The following ELAPOR2 variants were observed in gnomAD, a reference collection of about 807,000 sequenced individuals.
ELAPOR2 encodes endosome/lysosome-associated apoptosis and autophagy regulator family member 2.
Under a neutral mutation model 120.7 loss-of-function variants are expected in ELAPOR2, and 89 were observed. The ratio of observed to expected loss-of-function variants is 0.74; its 90% CI spans 0.62 to 0.88. The LOEUF (loss-of-function observed/expected upper bound fraction) is 0.88, where lower values mean the gene tolerates loss of function less well. Among genes scored for constraint, ELAPOR2 ranks in the 40% least tolerant of loss-of-function variants. The pLI is 0.00. For missense variants in ELAPOR2, 1,134 were observed against 1,251.6 expected (o/e 0.91, Z 1.42); for synonymous variants, 444 against 444.9 (o/e 1.00, Z 0.03).
intron 3 of ELAPOR2, among the ~76,000 whole-genome samples, chr7:86,945,448 AT>A (rs1353245696): frequency 2.6e-5 from 4 of 152,220 alleles, no homozygotes; most frequent in Non-Finnish European, 4.4e-5. Context: ...AGATTAACAT[AT>A]AAAGCTATAT....
intron 19 of ELAPOR2, 109 bp from the exon 20 acceptor site, chr7:86,893,209 G>A: frequency 1.2e-6 from 1 of 855,896 alleles, no homozygotes; most frequent in South Asian, 1.9e-5. Context: ...AAGAAGAAAG[G>A]GTTTTGCTAA....
Position 86,926,812 on chromosome 7 carries a change from G to A in ELAPOR2, c.1194C>T (p.Cys398=). ...PSGEKKDCPP[C]NPGFYNNGSS... Reference sequence around the variant, plus strand: ...ATCCATTGTTATAAAATCCAGGGTTGCAAGGCGGACAATCCTTCTTCTCTC... The same window carrying A: ...ATCCATTGTTATAAAATCCAGGGTTACAAGGCGGACAATCCTTCTTCTCTC... The change falls in exon 9 of 22, where the codon TGC becomes TGT. Residue 398 remains cysteine, a synonymous_variant. Coordinates refer to ENST00000450689, the MANE Select transcript of ELAPOR2 (RefSeq NM_001142749.3). 6.2e-7 allele frequency: 1 copy of A among 1,610,860 alleles called. No individual in the cohort carries two copies. Among genetic ancestry groups the A allele is most frequent in the Admixed American group, 1.7e-5 (1 of 59,652 alleles).
At position 86,918,539 on chromosome 7, in the gene ELAPOR2, G is replaced by A. The variant is rs1363757989; in HGVS notation, c.1496C>T (p.Pro499Leu). The A allele has an allele frequency of 3.8e-6, 6 of 1,599,746 alleles. No homozygotes were observed. Among genetic ancestry groups the A allele is most frequent in the Non-Finnish European group, 5.1e-6 (6 of 1,167,414 alleles). Reference protein sequence around the residue: ...LNLHIPGFKPPTSMTGATGSE... With the variant: ...LNLHIPGFKPLTSMTGATGSE... ...ACCCGTGGCTCCAGTCATAGATGTT[G>A]GTGGTCTATTTGACAGATTAAAATG... The change falls in exon 12 of 22, where the codon CCA (proline) becomes CTA (leucine). Residue 499 changes from proline (P) to leucine (L), a missense_variant. Pro to Leu is a moderately conservative substitution (Grantham distance 98). Around this residue, in one of 3 missense-constraint regions of ELAPOR2, gnomAD observed 831 missense variants for 867.6 expected, o/e 0.96. Transcript: ENST00000450689.
intron 1 of ELAPOR2, among the ~76,000 whole-genome samples, chr7:87,021,285 T>A (rs1049561061): frequency 6.6e-6 from 1 of 152,182 alleles, no homozygotes; most frequent in Non-Finnish European, 1.5e-5. Context: ...ACATACATAA[T>A]CTTGCCACCC....
intron 1 of ELAPOR2, among the ~76,000 whole-genome samples, chr7:86,989,266 G>A (rs911715060): frequency 5.3e-5 from 8 of 152,104 alleles, no homozygotes; most frequent in Admixed American, 3.3e-4. Context: ...TCTCTGTTTA[G>A]CTATAATAAA....
At chr7:87,033,505 T>G (rs1321186121) in intron 1 of ELAPOR2, among the ~76,000 whole-genome samples, 1 of 152,166 alleles carries the variant, frequency 6.6e-6, no homozygotes, top group Non-Finnish European at 1.5e-5. Context: ...CATAAAATAG[T>G]TCAGAATACA....
At chr7:87,037,014 A>G (rs1237037836) in intron 1 of ELAPOR2, among the ~76,000 whole-genome samples, 1 of 152,132 alleles carries the variant, frequency 6.6e-6, no homozygotes, top group Non-Finnish European at 1.5e-5. Context: ...TCTCCTTCCC[A>G]TCAACCTCCA....
intron 1 of ELAPOR2, among the ~76,000 whole-genome samples, chr7:86,976,601 A>G (rs1415129978): frequency 1.3e-5 from 2 of 152,198 alleles, no homozygotes; most frequent in East Asian, 3.8e-4. Flanking sequence ...AAAGTTTTGA[A>G]AACTGAATAG....
chr7:86,909,164 T>C (rs956251981), intron 16 of ELAPOR2, among the ~76,000 whole-genome samples: 4 of 152,032 alleles, frequency 2.6e-5, no homozygotes, highest in Non-Finnish European at 5.9e-5. Context: ...TGAAAGTCAA[T>C]GCTAAATTCC....
At chr7:86,914,699 T>TA (rs758472470) in intron 13 of ELAPOR2, 24 bp downstream of exon 13, 66 of 1,584,346 alleles carry the variant, frequency 4.2e-5, no homozygotes, top group African/African-American at 1.4e-4. Context: ...TTTAAAATTT[T>TA]AAAAAAAAGT....
At chr7:86,932,692 T>C (rs1258811851) in intron 8 of ELAPOR2, among the ~76,000 whole-genome samples, 1 of 152,000 alleles carries the variant, frequency 6.6e-6, no homozygotes. Flanking sequence ...AACAGCTTAA[T>C]TGAAAACTAT....
chr7:87,023,219 T>C (rs9801094), intron 1 of ELAPOR2, among the ~76,000 whole-genome samples: 25 of 152,240 alleles, frequency 1.6e-4, no homozygotes, highest in Admixed American at 1.6e-3. Flanking sequence ...AAGTCTTTAA[T>C]CCATCTTGAA....
At position 86,912,363 on chromosome 7, in the gene ELAPOR2, A is replaced by C. The variant is rs1192168149; in HGVS notation, c.1996-118T>G. ...TTCCAGTAATTTAGTCTTAGCTATA[A>C]TATACTTTACCATACTAATATAAAG... is the stretch of plus-strand genomic sequence containing the variant. On this transcript the variant is annotated intron_variant, in intron 14 of 21. Coordinates refer to ENST00000450689, the MANE Select transcript of ELAPOR2 (RefSeq NM_001142749.3). 5.3e-6 allele frequency: 3 copies of C among 568,268 alleles called. No individual in the cohort carries two copies. In the Admixed American group the frequency reaches 8.4e-5, roughly 16 times the overall value. The allele number at this position is 568,268 out of a possible 1,614,324, so 35.2% of individuals were successfully genotyped here.
rs759205202 is a variant in ELAPOR2 at position 86,909,848 on chromosome 7, A to G, written c.2323T>C (p.Ser775Pro). 1.2e-6 allele frequency: 2 copies of G among 1,613,120 alleles called. No homozygotes were observed. Among genetic ancestry groups the G allele is most frequent in the Admixed American group, 1.7e-5 (1 of 59,968 alleles). Residue 775 changes from serine (S) to proline (P), a missense_variant, in exon 16 of 22, where the codon TCA becomes CCA. This residue lies in a region of ELAPOR2 where 831 missense variants were observed against 867.6 expected (regional missense o/e 0.96). Coordinates refer to ENST00000450689, the MANE Select transcript of ELAPOR2 (RefSeq NM_001142749.3). ...SESKGFRAALSSQSIILADTF... is the reference protein window; with the variant it reads ...SESKGFRAALPSQSIILADTF... ...TCTGCCAGAATGATGGATTGTGATG[A>G]TAAGGCTGCTCGGAAACCCTTACTT... is the stretch of plus-strand genomic sequence containing the variant.
chr7:86,895,059 A>G (rs1200001064), intron 19 of ELAPOR2, among the ~76,000 whole-genome samples: 1 of 152,110 alleles, frequency 6.6e-6, no homozygotes, highest in Non-Finnish European at 1.5e-5. Context: ...AATCAACATA[A>G]AGTAAAAAAT....
rs1023222242 is a variant in ELAPOR2 at position 86,944,925 on chromosome 7, C to T, written c.628G>A (p.Asp210Asn). Residue 210 changes from aspartate to asparagine, a missense_variant, in exon 4 of 22, where the codon GAC becomes AAC. Coordinates refer to ENST00000450689, the MANE Select transcript of ELAPOR2 (RefSeq NM_001142749.3). The stretch of plus-strand genomic sequence containing the variant: ...AAGAACTCAAAGAAGATGTTGTTGT[C>T]GACATACTGGTACTCAAAGAAGACA... ...GYVFFEYQYV[D>N]NNIFFEFFIQ... 25 of 1,547,854 alleles carry T rather than the reference C, an allele frequency of 1.6e-5. No homozygotes were observed. The highest frequency in any genetic ancestry group is 6.9e-5 in the African/African-American group (5 of 72,760).
intron 1 of ELAPOR2, among the ~76,000 whole-genome samples, chr7:87,039,796 T>C (rs923772820): frequency 6.5e-4 from 99 of 152,106 alleles, no homozygotes; most frequent in Non-Finnish European, 2.5e-4. Context: ...ACAGCTCTGG[T>C]CTACAGCTCC....
At chr7:86,931,477 A>G (rs1045674365) in intron 8 of ELAPOR2, among the ~76,000 whole-genome samples, 54 of 151,902 alleles carry the variant, frequency 3.6e-4, no homozygotes, top group Admixed American at 3.5e-3. Context: ...AAATATTTCA[A>G]TCATACTTTA....
chr7:86,979,437 CAA>C (rs1391328036), intron 1 of ELAPOR2, among the ~76,000 whole-genome samples: 1 of 152,150 alleles, frequency 6.6e-6, no homozygotes, highest in Admixed American at 6.5e-5. Flanking sequence ...AAAAAGAGCT[CAA>C]GTTATTCACA....
Sources: allele counts gnomAD v4.1 joint callset (sites outside exome capture counted in the v4.1 genomes callset), GRCh38; gene constraint gnomAD v4.1.1; regional missense constraint gnomAD v4.1.1; transcripts MANE v1.5; gene names NCBI Gene and HGNC (gene_info 2026-07-23, HGNC 2026-07-21).